The following C1orf52 variants were observed in gnomAD, a reference collection of about 807,000 sequenced individuals.
C1orf52 encodes the protein UPF0690 protein C1orf52.
C1orf52 carries 5 observed loss-of-function variants against 17.2 expected under a neutral mutation model. That is an observed-to-expected ratio of 0.29 (90% CI 0.15 to 0.61). C1orf52 has a LOEUF of 0.61. C1orf52 is among the 20% of genes least tolerant of loss of function. C1orf52 has a pLI of 0.85. For missense variants in C1orf52, 245 were observed against 234.1 expected, an observed-to-expected ratio of 1.05 and a Z score of -0.30; for synonymous variants, 110 against 88.0, an observed-to-expected ratio of 1.25 and a Z score of -1.40.
At chr1:85,256,723 C>T (rs1275281987) in intron 2 of C1orf52, among the ~76,000 whole-genome samples, 1 of 141,658 alleles carries the variant, frequency 7.1e-6, no homozygotes, top group African/African-American at 2.7e-5. Context: ...GGCGTGAACC[C>T]GGGAGGCGGA....
At chr1:85,259,198 G>A (rs1660025118) in intron 1 of C1orf52, 160 bp downstream of exon 1, 3 of 1,152,768 alleles carry the variant, frequency 2.6e-6, no homozygotes, top group Non-Finnish European at 3.6e-6. Context: ...GCGGGGAGAG[G>A]GGGCCAGGTT....
chr1:85,259,582 T>G lies in C1orf52; in HGVS notation c.52A>C (p.Ser18Arg), dbSNP rs138901393. The G allele has an allele frequency of 1.8e-5, 28 of 1,598,572 alleles. No homozygotes were observed. The highest frequency in any genetic ancestry group is 1.8e-5 in the Admixed American group (1 of 56,668). ...TCCTCGTCCGAGGAGCCTGAGCTGC[T>G]GCTCCCGTATGCCGCAAAATAGCTC... ...PLSYFAAYGS[S>R]SSGSSDEEDN... The change falls in exon 1 of 3, where the codon AGC becomes CGC. Residue 18 changes from serine (S) to arginine (R), a missense_variant. Transcript: ENST00000471115.
chr1:85,259,038 A>C, intron 1 of C1orf52: 1 of 1,298,870 alleles, frequency 7.7e-7, no homozygotes, highest in Non-Finnish European at 9.8e-7. Context: ...TTCGGCGTCA[A>C]AGGGAAGGGG....
intron 2 of C1orf52, chr1:85,257,421 G>A (rs1277005573): frequency 1.4e-6 from 1 of 716,152 alleles, no homozygotes; most frequent in African/African-American, 1.7e-5. Flanking sequence ...AACGTATACT[G>A]AAAGGCAGGG....
At chr1:85,254,389 G>A (rs944684960) in intron 2 of C1orf52, among the ~76,000 whole-genome samples, 2 of 146,116 alleles carry the variant, frequency 1.4e-5, no homozygotes, top group African/African-American at 2.6e-5. Flanking sequence ...CAAGCCAAAC[G>A]TTTTGCTTTT....
chr1:85,259,138 G>T, intron 1 of C1orf52: 1 of 1,229,724 alleles, frequency 8.1e-7, no homozygotes, highest in Non-Finnish European at 1.1e-6. Context: ...GCGGAGGTTT[G>T]GGTCTCCTCA....
chr1:85,258,771 C>A (rs768307659), intron 1 of C1orf52, 49 bp from the exon 2 acceptor site: 5 of 1,512,532 alleles, frequency 3.3e-6, no homozygotes, highest in Non-Finnish European at 4.4e-6. Flanking sequence ...GAGGTTCCTA[C>A]GATGGACGTG....
intron 2 of C1orf52, 34 bp downstream of exon 2, chr1:85,258,490 A>C: frequency 6.4e-7 from 1 of 1,572,700 alleles, no homozygotes; most frequent in South Asian, 1.1e-5. Flanking sequence ...ACGGGGATCA[A>C]AATAGACCAC....
intron 1 of C1orf52, 109 bp from the exon 2 acceptor site, chr1:85,258,831 T>C (rs1660015828): frequency 7.0e-7 from 1 of 1,421,044 alleles, no homozygotes; most frequent in Non-Finnish European, 9.2e-7. Flanking sequence ...TGACTTTTTT[T>C]TTCTTTAAGG....
In C1orf52 at chr1:85,251,731, A is replaced by AAATT. The variant is rs1372518944; in HGVS notation, c.*894_*897dup. On this transcript the variant is annotated 3_prime_UTR_variant, in exon 3 of 3. Transcript: ENST00000471115. ...CCTGTAAACTTACAATTTAATAAAG[A>AAATT]AATTAATGAATAACCATAAAGCACA... 2.0e-5 allele frequency: 3 copies of AAATT among 152,214 alleles called. No individual in the cohort carries two copies. The highest frequency in any genetic ancestry group is 7.2e-5 in the African/African-American group (3 of 41,458). 9.4% of individuals were successfully genotyped at this position (152,214 alleles called of 1,614,324 possible). A position where few individuals can be genotyped will look rare whatever the true frequency, so the allele number is the denominator to read the frequency against.
rs1403284172 is a variant in C1orf52 at position 85,250,655 on chromosome 1, GAA to G, written c.*1972_*1973del. 1.3e-5 allele frequency: 2 copies of G among 152,186 alleles called. No individual in the cohort carries two copies. The highest frequency in any genetic ancestry group is 2.1e-4 in the South Asian group (1 of 4,836). 9.4% of individuals were successfully genotyped at this position (152,186 alleles called of 1,614,324 possible). ...CTCTGCACATCTCCCAGGAAAGAGA[GAA>G]AAAAGTTTGCTTTCATGCTAACTTA... is the stretch of plus-strand genomic sequence containing the variant. On this transcript the variant is annotated 3_prime_UTR_variant, in exon 3 of 3. Coordinates refer to ENST00000471115, the MANE Select transcript of C1orf52 (RefSeq NM_198077.4).
intron 2 of C1orf52, among the ~76,000 whole-genome samples, chr1:85,254,294 C>T (rs992532166): frequency 1.3e-5 from 2 of 152,044 alleles, no homozygotes; most frequent in Non-Finnish European, 2.9e-5. Flanking sequence ...CAGGAATTTA[C>T]AAATCAAAGT....
chr1:85,258,744 A>C lies in C1orf52; in HGVS notation c.277-22T>G, dbSNP rs376026595. ...GAGGCTGTTAAGCAAGCACATTAAG[A>C]AGCACTGTGACGAACCGAGGTTCCT... On this transcript the variant is annotated intron_variant, in intron 1 of 2. Transcript: ENST00000471115. The C allele has an allele frequency of 4.9e-4, 774 of 1,579,200 alleles. 1 individual carries two copies. The highest frequency in any genetic ancestry group is 5.9e-4 in the Non-Finnish European group (694 of 1,167,038).
At chr1:85,256,814 A>AAAAAAAAG (rs1553178011) in intron 2 of C1orf52, among the ~76,000 whole-genome samples, 17 of 108,176 alleles carry the variant, frequency 1.6e-4, no homozygotes, top group African/African-American at 2.2e-4. Context: ...AAAAAAAAAA[A>AAAAAAAAG]AAAAGAAAAG....
At chr1:85,259,215 G>T in intron 1 of C1orf52, 143 bp downstream of exon 1, 3 of 1,212,274 alleles carry the variant, frequency 2.5e-6, no homozygotes, top group Non-Finnish European at 3.4e-6. Flanking sequence ...GGTTTCCCAG[G>T]GCTTGAGGTG....
rs1557777001 is a variant in C1orf52 at position 85,251,327 on chromosome 1, A to G, written c.*1302T>C. On this transcript the variant is annotated 3_prime_UTR_variant, in exon 3 of 3. Transcript: ENST00000471115. ...TGGCCTCCCAAAGTGCTGGGATTAC[A>G]AGCATAAGCCACCATGCTTGGCTGT... 6.6e-6 allele frequency: 1 copy of G among 152,154 alleles called. No homozygotes were observed. The highest frequency in any genetic ancestry group is 1.9e-4 in the East Asian group (1 of 5,194). The allele number at this position is 152,154 out of a possible 1,614,324, so 9.4% of individuals were successfully genotyped here.
intron 2 of C1orf52, among the ~76,000 whole-genome samples, chr1:85,255,779 T>C (rs1570318472): frequency 6.6e-6 from 1 of 152,228 alleles, no homozygotes; most frequent in South Asian, 2.1e-4. Context: ...GCTAAAAAAT[T>C]ATGACATAAT....
At chr1:85,257,182 A>G (rs1250721349) in intron 2 of C1orf52, among the ~76,000 whole-genome samples, 1 of 152,262 alleles carries the variant, frequency 6.6e-6, no homozygotes, top group Non-Finnish European at 1.5e-5. Flanking sequence ...TGTACTCGAT[A>G]CAAACACTTC....
chr1:85,259,582 T>C lies in C1orf52; in HGVS notation c.52A>G (p.Ser18Gly), dbSNP rs138901393. Residue 18 changes from serine to glycine, a missense_variant, in exon 1 of 3, where the codon AGC becomes GGC. Transcript: ENST00000471115. The stretch of plus-strand genomic sequence containing the variant: ...TCCTCGTCCGAGGAGCCTGAGCTGC[T>C]GCTCCCGTATGCCGCAAAATAGCTC... ...PLSYFAAYGS[S>G]SSGSSDEEDN... The C allele has an allele frequency of 6.3e-7, 1 of 1,598,690 alleles. No homozygotes were observed. Among genetic ancestry groups the C allele is most frequent in the Non-Finnish European group, 8.5e-7 (1 of 1,173,376 alleles).
Sources: gnomAD v4.1 joint callset for allele counts (sites outside exome capture counted in the v4.1 genomes callset) on GRCh38, gnomAD v4.1.1 for gene constraint, MANE v1.5 for transcripts, NCBI Gene and HGNC (gene_info 2026-07-23, HGNC 2026-07-21) for gene names.